Variants in SUN1 observed in about 807,000 individuals in gnomAD.
SUN1 encodes Sad1 and UNC84 domain containing 1.
In SUN1, 61 loss-of-function variants were observed where a neutral mutation model predicts 103.2. The ratio of observed to expected loss-of-function variants is 0.59; its 90% CI spans 0.48 to 0.73. The LOEUF (loss-of-function observed/expected upper bound fraction) is 0.73, where lower values mean the gene tolerates loss of function less well. Ranked by LOEUF, SUN1 falls within the 30% of genes least tolerant of loss-of-function variation. SUN1 has a pLI of 0.00. For synonymous variants in SUN1, 490 were observed against 425.7 expected, an observed-to-expected ratio of 1.15 and a Z score of -1.86; for missense variants, 1,052 against 1,034.6, an observed-to-expected ratio of 1.02 and a Z score of -0.23.
intron 17 of SUN1, 64 bp downstream of exon 17, chr7:869,580 A>G: frequency 6.3e-7 from 1 of 1,575,854 alleles, no homozygotes; most frequent in Non-Finnish European, 8.6e-7. Flanking sequence ...AGATGAAAGC[A>G]AGTGACGTGA....
intron 1 of SUN1, chr7:832,936 T>A (rs1383442893): frequency 2.6e-5 from 6 of 231,706 alleles, no homozygotes. Flanking sequence ...TATTTTTAAG[T>A]TAACAGAAAT....
chr7:843,826 A>G (rs1450206769), intron 5 of SUN1: 13 of 1,396,504 alleles, frequency 9.3e-6, no homozygotes, highest in South Asian at 8.1e-5. Flanking sequence ...GCACACCTTT[A>G]TTTTTATAAA....
chr7:840,499 C>A (rs894410529), intron 2 of SUN1, among the ~76,000 whole-genome samples: 1 of 152,234 alleles, frequency 6.6e-6, no homozygotes, highest in Non-Finnish European at 1.5e-5. Context: ...AAGCTTCCTT[C>A]GAAGGGGAGG....
chr7:856,485 G>GA, intron 12 of SUN1, 84 bp downstream of exon 12: 2 of 1,535,456 alleles, frequency 1.3e-6, no homozygotes, highest in Non-Finnish European at 1.8e-6. Context: ...ATGAATGGGG[G>GA]ACCCGGGGCC....
intron 9 of SUN1, 172 bp from the exon 10 acceptor site, chr7:853,237 G>C: frequency 1.3e-6 from 1 of 786,990 alleles, no homozygotes; most frequent in Non-Finnish European, 2.0e-6. Flanking sequence ...AGCACCCATA[G>C]TCAGCCATGT....
At chr7:865,807 G>A in intron 15 of SUN1, 145 bp from the exon 16 acceptor site, 1 of 641,388 alleles carries the variant, frequency 1.6e-6, no homozygotes, top group East Asian at 2.9e-5. Context: ...AGATCTAATT[G>A]TAGTTTTTAC....
At chr7:853,222 T>C in intron 9 of SUN1, 187 bp from the exon 10 acceptor site, 4 of 762,900 alleles carry the variant, frequency 5.2e-6, no homozygotes, top group East Asian at 5.4e-5. Flanking sequence ...GAGAAGAAAA[T>C]GAGAAGCACC....
intron 1 of SUN1, among the ~76,000 whole-genome samples, chr7:825,141 C>T (rs367794311): frequency 2.0e-5 from 3 of 152,228 alleles, no homozygotes; most frequent in East Asian, 1.9e-4. Flanking sequence ...TCACTGCAAG[C>T]TCCACCTCCC....
chr7:842,276 C>T (rs1810817032), intron 3 of SUN1, 146 bp downstream of exon 3: 4 of 846,208 alleles, frequency 4.7e-6, no homozygotes, highest in Non-Finnish European at 7.2e-6. Context: ...TGTGGGTTTG[C>T]TGCGTGACTG....
intron 15 of SUN1, among the ~76,000 whole-genome samples, chr7:862,136 T>TGC (rs573463278): frequency 1.3e-3 from 201 of 152,324 alleles, no homozygotes; most frequent in Middle Eastern, 3.4e-3. Context: ...AGGGAAGGTG[T>TGC]GCACCACACC....
At chr7:854,006 GTCCCAGACGCACT>G (rs1443510499) in intron 10 of SUN1, among the ~76,000 whole-genome samples, 1 of 152,056 alleles carries the variant, frequency 6.6e-6, no homozygotes, top group African/African-American at 2.4e-5. Context: ...TCTCGTGTGG[GTCCCAGACGCACT>G]TCTCGGAGGC....
intron 10 of SUN1, among the ~76,000 whole-genome samples, chr7:854,372 C>T (rs915504689): frequency 2.0e-5 from 3 of 152,214 alleles, no homozygotes; most frequent in Admixed American, 2.0e-4. Context: ...TGGAGGATGC[C>T]GCTACTCACA....
chr7:851,725 G>C (rs1024834226), intron 6 of SUN1: 96 of 625,924 alleles, frequency 1.5e-4, no homozygotes, highest in Middle Eastern at 3.7e-4. Context: ...CCGGTGCAGA[G>C]AATGCATGGA....
intron 2 of SUN1, among the ~76,000 whole-genome samples, chr7:841,534 G>C (rs188804996): frequency 9.2e-5 from 14 of 152,118 alleles, no homozygotes; most frequent in Admixed American, 5.9e-4. Context: ...GAGCCACCGC[G>C]CCTGGCCATG....
chr7:840,766 C>T (rs537473180), intron 2 of SUN1, among the ~76,000 whole-genome samples: 85 of 151,856 alleles, frequency 5.6e-4, no homozygotes, highest in East Asian at 2.3e-3. Context: ...CTCAGCCTCC[C>T]GAGTAGCTGG....
At chr7:843,012 A>T in intron 3 of SUN1, 194 bp from the exon 4 acceptor site, 3 of 772,272 alleles carry the variant, frequency 3.9e-6, no homozygotes, top group Non-Finnish European at 6.4e-6. Flanking sequence ...TTCTTCAAGG[A>T]TAAGCTTTCA....
chr7:829,182 G>T (rs752604178), upstream of SUN1, among the ~76,000 whole-genome samples: 24 of 152,230 alleles, frequency 1.6e-4, no homozygotes, highest in Non-Finnish European at 3.1e-4. Context: ...CTTACTGTGT[G>T]GTTACTGATC....
intron 13 of SUN1, among the ~76,000 whole-genome samples, 198 bp from the exon 14 acceptor site, chr7:859,930 C>T (rs1322607043): frequency 1.3e-5 from 2 of 152,142 alleles, no homozygotes; most frequent in Non-Finnish European, 1.5e-5. Flanking sequence ...ACGAGCTCAC[C>T]TATTTCTGTT....
chr7:835,770 T>G (rs1438613234), intron 1 of SUN1, among the ~76,000 whole-genome samples: 1 of 152,178 alleles, frequency 6.6e-6, no homozygotes, highest in Non-Finnish European at 1.5e-5. Flanking sequence ...AATCCAGCCA[T>G]TGGTGATGGT....
Sources: allele counts gnomAD v4.1 joint callset (sites outside exome capture counted in the v4.1 genomes callset), GRCh38; gene constraint gnomAD v4.1.1; transcripts MANE v1.5; gene names NCBI Gene and HGNC (gene_info 2026-07-23, HGNC 2026-07-21).